The following HEMK2 variants were observed in gnomAD, a reference collection of about 807,000 sequenced individuals.
HEMK2 encodes HemK methyltransferase 2, ETF1 glutamine and histone H4 lysine.
the HEMK2 span, among the ~76,000 whole-genome samples, chr21:28,724,292 C>A: frequency 0.18 from 27,133 of 152,154 alleles, 2,845 homozygotes; most frequent in East Asian, 0.32. Flanking sequence ...GTTTTAAACA[C>A]TTCTCTAAAA....
the HEMK2 span, among the ~76,000 whole-genome samples, chr21:28,775,141 T>G: frequency 3.9e-5 from 6 of 152,352 alleles, no homozygotes; most frequent in Admixed American, 3.9e-4. Context: ...GATAATCTTA[T>G]GCCACCCTCT....
the HEMK2 span, among the ~76,000 whole-genome samples, chr21:28,738,022 G>A: frequency 6.6e-6 from 1 of 152,328 alleles, no homozygotes; most frequent in East Asian, 1.9e-4. Context: ...TGGGAGGGCT[G>A]GAGGATTGTT....
chr21:28,610,766 C>T, the HEMK2 span, among the ~76,000 whole-genome samples: 1 of 152,114 alleles, frequency 6.6e-6, no homozygotes, highest in Non-Finnish European at 1.5e-5. Flanking sequence ...TCAGGCGAAA[C>T]AAACTTTAAA....
At chr21:28,705,836 C>T in the HEMK2 span, among the ~76,000 whole-genome samples, 251 of 152,238 alleles carry the variant, frequency 1.6e-3, no homozygotes, top group African/African-American at 5.1e-3. Flanking sequence ...CTCCCTCCCC[C>T]ATCTTCAAAG....
the HEMK2 span, among the ~76,000 whole-genome samples, chr21:28,863,010 A>C: frequency 2.0e-5 from 3 of 152,114 alleles, no homozygotes; most frequent in African/African-American, 7.2e-5. Flanking sequence ...TCAAGTTGAC[A>C]AGGGGTGGAT....
chr21:28,617,575 G>A, the HEMK2 span, among the ~76,000 whole-genome samples: 1 of 152,184 alleles, frequency 6.6e-6, no homozygotes, highest in African/African-American at 2.4e-5. Flanking sequence ...ATTGCCGCAT[G>A]GAGAGATGCA....
chr21:28,866,516 TC>T, the HEMK2 span, among the ~76,000 whole-genome samples: 1 of 151,912 alleles, frequency 6.6e-6, no homozygotes, highest in Non-Finnish European at 1.5e-5. Flanking sequence ...ATGGTGAAAC[TC>T]CCCTCTCTAC....
At chr21:28,754,876 C>A in the HEMK2 span, among the ~76,000 whole-genome samples, 1 of 152,178 alleles carries the variant, frequency 6.6e-6, no homozygotes, top group Non-Finnish European at 1.5e-5. Context: ...ATGAGCTGCT[C>A]TGGGCAAGGC....
chr21:28,871,935 CA>C, the HEMK2 span, among the ~76,000 whole-genome samples: 71,884 of 152,016 alleles, frequency 0.47, 19,864 homozygotes, highest in Non-Finnish European at 0.62. Flanking sequence ...TACAAGGACA[CA>C]AGAGATATTG....
chr21:28,596,384 T>A, the HEMK2 span, among the ~76,000 whole-genome samples: 1 of 152,174 alleles, frequency 6.6e-6, no homozygotes, highest in African/African-American at 2.4e-5. Flanking sequence ...ATCTTTCTCA[T>A]AAATTTTCTG....
the HEMK2 span, among the ~76,000 whole-genome samples, chr21:28,664,660 A>T: frequency 6.6e-6 from 1 of 152,164 alleles, no homozygotes; most frequent in African/African-American, 2.4e-5. Flanking sequence ...CTAGAATTCT[A>T]GCAGACTATA....
the HEMK2 span, among the ~76,000 whole-genome samples, chr21:28,654,615 T>C: frequency 0.017 from 2,553 of 152,170 alleles, 73 homozygotes; most frequent in African/African-American, 0.057. Context: ...AAACACACAT[T>C]TTAATGTATT....
chr21:28,710,780 G>A, the HEMK2 span, among the ~76,000 whole-genome samples: 1 of 152,252 alleles, frequency 6.6e-6, no homozygotes, highest in East Asian at 1.9e-4. Flanking sequence ...CTGTCTCAAT[G>A]AATATGCTTC....
chr21:28,659,987 C>A, the HEMK2 span, among the ~76,000 whole-genome samples: 1 of 151,932 alleles, frequency 6.6e-6, no homozygotes, highest in Non-Finnish European at 1.5e-5. Context: ...TTAAATTTTT[C>A]TCAATAATGT....
chr21:28,605,994 A>T, the HEMK2 span, among the ~76,000 whole-genome samples: 5 of 152,128 alleles, frequency 3.3e-5, no homozygotes, highest in South Asian at 1.0e-3. Flanking sequence ...TGTTAAAGTA[A>T]AATTTTCATA....
chr21:28,873,504 ATGG>A, the HEMK2 span: 1 of 152,236 alleles, frequency 6.6e-6, no homozygotes, highest in Non-Finnish European at 1.5e-5. Flanking sequence ...TCATCTGGTC[ATGG>A]TACTTACCTG....
At chr21:28,796,542 T>G in the HEMK2 span, among the ~76,000 whole-genome samples, 1 of 152,152 alleles carries the variant, frequency 6.6e-6, no homozygotes, top group African/African-American at 2.4e-5. Context: ...TTCCAAAAAA[T>G]GCACAGAATT....
the HEMK2 span, among the ~76,000 whole-genome samples, chr21:28,585,138 C>G: frequency 3.9e-5 from 6 of 152,140 alleles, no homozygotes; most frequent in African/African-American, 1.4e-4. Flanking sequence ...TCAAGACCAG[C>G]CTGTCCAACA....
the HEMK2 span, among the ~76,000 whole-genome samples, chr21:28,877,772 A>T: frequency 6.6e-6 from 1 of 152,210 alleles, no homozygotes; most frequent in Admixed American, 6.5e-5. Flanking sequence ...TTAGTTATAA[A>T]GCAATCTGAA....
Sources: allele counts gnomAD v4.1 joint callset (sites outside exome capture counted in the v4.1 genomes callset), GRCh38; gene constraint gnomAD v4.1.1; transcripts MANE v1.5; gene names NCBI Gene and HGNC (gene_info 2026-07-23, HGNC 2026-07-21).